The following C8orf34 variants were observed in gnomAD, a reference collection of about 807,000 sequenced individuals.
C8orf34 encodes the protein uncharacterized protein C8orf34.
In C8orf34, 65 loss-of-function variants were observed where a neutral mutation model predicts 68.3. That is an observed-to-expected ratio of 0.95 (90% CI 0.78 to 1.17). C8orf34 has a LOEUF of 1.17. C8orf34 is among the 50% of genes most tolerant of loss of function. The probability of loss-of-function intolerance (pLI) is 0.00; values close to 1 mark genes in which losing one functional copy is unlikely to be tolerated. For synonymous variants in C8orf34, 244 were observed against 241.2 expected (o/e 1.01, Z -0.11); for missense variants, 664 against 655.4 (o/e 1.01, Z -0.14).
At chr8:68,402,253 T>C (rs1563408652) in intron 1 of C8orf34, among the ~76,000 whole-genome samples, 1 of 152,132 alleles carries the variant, frequency 6.6e-6, no homozygotes, top group Non-Finnish European at 1.5e-5. Context: ...AGTTGTAATG[T>C]CTCATTTTTC....
At chr8:68,578,920 C>T (rs901256120) in intron 7 of C8orf34, among the ~76,000 whole-genome samples, 7 of 152,022 alleles carry the variant, frequency 4.6e-5, no homozygotes, top group Admixed American at 4.6e-4. Context: ...CTTTTGCTTT[C>T]CAATTTGGAG....
intron 5 of C8orf34, among the ~76,000 whole-genome samples, chr8:68,514,921 T>C (rs965083083): frequency 6.6e-6 from 1 of 152,070 alleles, no homozygotes; most frequent in African/African-American, 2.4e-5. Flanking sequence ...TAGTAGGAGA[T>C]AATTTTAAGG....
chr8:68,371,903 A>T (rs1057190842), intron 1 of C8orf34, among the ~76,000 whole-genome samples: 3 of 151,998 alleles, frequency 2.0e-5, no homozygotes. Flanking sequence ...AAGCTACCCT[A>T]CCTCACAGTC....
intron 8 of C8orf34, among the ~76,000 whole-genome samples, chr8:68,665,699 GA>G (rs1294675465): frequency 1.3e-5 from 2 of 152,132 alleles, no homozygotes; most frequent in East Asian, 3.9e-4. Flanking sequence ...GCTCCACACA[GA>G]CCTATTTATT....
intron 7 of C8orf34, among the ~76,000 whole-genome samples, chr8:68,553,874 A>G (rs1015680429): frequency 6.0e-5 from 1 of 16,642 alleles, no homozygotes; most frequent in Non-Finnish European, 1.1e-4. Context: ...TGCCACAACA[A>G]AAGTTTTATG....
At chr8:68,685,071 T>G (rs1403831442) in intron 8 of C8orf34, among the ~76,000 whole-genome samples, 1 of 152,166 alleles carries the variant, frequency 6.6e-6, no homozygotes, top group Non-Finnish European at 1.5e-5. Flanking sequence ...ATGTTTTAAC[T>G]CTTATACTAA....
chr8:68,575,277 A>G (rs184995312), intron 7 of C8orf34, among the ~76,000 whole-genome samples: 347 of 152,222 alleles, frequency 2.3e-3, no homozygotes, highest in Non-Finnish European at 3.8e-3. Flanking sequence ...TTGTATACCT[A>G]AGTCAGTGTA....
At chr8:68,807,121 G>A (rs986293349) in intron 12 of C8orf34, among the ~76,000 whole-genome samples, 3 of 152,156 alleles carry the variant, frequency 2.0e-5, no homozygotes, top group Non-Finnish European at 4.4e-5. Context: ...ATAAAGACAG[G>A]AAGTGGAAAA....
chr8:68,541,390 C>A (rs1183099721), intron 7 of C8orf34, among the ~76,000 whole-genome samples: 17 of 151,620 alleles, frequency 1.1e-4, no homozygotes, highest in African/African-American at 3.6e-4. Context: ...CACTTGAGCC[C>A]AGGAGGTTGA....
chr8:68,354,000 A>G (rs1806635865), intron 1 of C8orf34, among the ~76,000 whole-genome samples: 1 of 151,980 alleles, frequency 6.6e-6, no homozygotes, highest in South Asian at 2.1e-4. Flanking sequence ...TCAAAACAAG[A>G]TGTCTATATG....
At chr8:68,477,986 C>T (rs377544733) in intron 4 of C8orf34, among the ~76,000 whole-genome samples, 1 of 152,176 alleles carries the variant, frequency 6.6e-6, no homozygotes, top group East Asian at 1.9e-4. Context: ...GGTCTCTGGA[C>T]CTTTGATGGG....
At chr8:68,490,163 T>A (rs1401756457) in intron 5 of C8orf34, among the ~76,000 whole-genome samples, 1 of 152,172 alleles carries the variant, frequency 6.6e-6, no homozygotes, top group African/African-American at 2.4e-5. Flanking sequence ...TAATTCCTCC[T>A]CTTGCAGTTA....
chr8:68,410,814 G>C lies in C8orf34; in HGVS notation c.328-28685G>C, dbSNP rs528533719. Among the ~76,000 whole-genome samples, 8 of 152,300 alleles carry C rather than the reference G, an allele frequency of 5.3e-5. No individual in the cohort carries two copies. The East Asian group carries it at 1.5e-3, about 29-fold the overall frequency. On this transcript the variant is annotated intron_variant, in intron 1 of 13. Coordinates refer to ENST00000518698, the MANE Select transcript of C8orf34 (RefSeq NM_052958.4). ...CTTTGACTTTCTCCTGTGGGTAAAAGCCGCAACTGCCAACAGCACCCCTTC... is the reference window on the plus strand; with the variant it reads ...CTTTGACTTTCTCCTGTGGGTAAAACCCGCAACTGCCAACAGCACCCCTTC...
chr8:68,413,958 C>A (rs916141392), intron 1 of C8orf34, among the ~76,000 whole-genome samples: 3 of 152,202 alleles, frequency 2.0e-5, no homozygotes, highest in Non-Finnish European at 4.4e-5. Flanking sequence ...CTCTTTAGCT[C>A]ACATGCTATT....
intron 5 of C8orf34, among the ~76,000 whole-genome samples, chr8:68,497,039 T>C (rs935630385): frequency 4.6e-5 from 7 of 152,214 alleles, no homozygotes; most frequent in African/African-American, 1.7e-4. Context: ...TTGTGGTCCA[T>C]GTTTGTCTTA....
chr8:68,401,680 T>C (rs1345224886), intron 1 of C8orf34, among the ~76,000 whole-genome samples: 1 of 152,080 alleles, frequency 6.6e-6, no homozygotes, highest in Admixed American at 6.6e-5. Context: ...AATTCTGTTT[T>C]ATGTGATGTT....
intron 1 of C8orf34, among the ~76,000 whole-genome samples, chr8:68,374,036 C>T (rs1326868600): frequency 6.6e-6 from 1 of 152,170 alleles, no homozygotes; most frequent in African/African-American, 2.4e-5. Context: ...CTGCCTTAGC[C>T]TGTTGAATAG....
At chr8:68,813,747 C>G (rs553193719) in intron 12 of C8orf34, among the ~76,000 whole-genome samples, 5 of 152,126 alleles carry the variant, frequency 3.3e-5, no homozygotes, top group African/African-American at 1.2e-4. Flanking sequence ...TCATCCTGGT[C>G]ACTATAGTCT....
intron 7 of C8orf34, among the ~76,000 whole-genome samples, chr8:68,538,056 A>ACCT (rs1333298477): frequency 2.6e-5 from 4 of 152,206 alleles, no homozygotes; most frequent in Non-Finnish European, 5.9e-5. Flanking sequence ...CTTTTATCTC[A>ACCT]ATTATACACC....
Sources: gnomAD v4.1 joint callset for allele counts (sites outside exome capture counted in the v4.1 genomes callset) on GRCh38, gnomAD v4.1.1 for gene constraint, MANE v1.5 for transcripts, NCBI Gene and HGNC (gene_info 2026-07-23, HGNC 2026-07-21) for gene names.